The following FMN1 variants were observed in gnomAD, a reference collection of about 807,000 sequenced individuals.
FMN1 encodes the protein formin 1, also known as formin-1.
Under a neutral mutation model 132.4 loss-of-function variants are expected in FMN1, and 110 were observed. That is an observed-to-expected ratio of 0.83 (90% CI 0.71 to 0.97). FMN1 has a LOEUF of 0.97. Among genes scored for constraint, FMN1 ranks in the 50% least tolerant of loss-of-function variants. The probability of loss-of-function intolerance (pLI) is 0.00; values close to 1 mark genes in which losing one functional copy is unlikely to be tolerated. For synonymous variants in FMN1, 722 were observed against 651.7 expected (o/e 1.11, Z -1.64); for missense variants, 1,792 against 1,705.3 (o/e 1.05, Z -0.90).
At chr15:33,147,523 G>A (rs1964275157) in intron 4 of FMN1, among the ~76,000 whole-genome samples, 1 of 152,150 alleles carries the variant, frequency 6.6e-6, no homozygotes. Context: ...TTTATATCTT[G>A]TACTCTGAAT....
chr15:33,161,407 G>A (rs1964884436), intron 3 of FMN1, among the ~76,000 whole-genome samples: 1 of 152,110 alleles, frequency 6.6e-6, no homozygotes, highest in Admixed American at 6.6e-5. Context: ...TTGGTAGTAG[G>A]CGTGCCCTCT....
chr15:32,974,695 A>G (rs1009087211), intron 7 of FMN1, among the ~76,000 whole-genome samples: 5 of 152,208 alleles, frequency 3.3e-5, no homozygotes, highest in Non-Finnish European at 5.9e-5. Context: ...TGGGAGCCAG[A>G]GGTGAAATCA....
intron 5 of FMN1, chr15:33,066,775 C>T (rs1401759779): frequency 1.9e-6 from 3 of 1,613,994 alleles, no homozygotes; most frequent in Non-Finnish European, 2.5e-6. Context: ...TGCAGCCCAT[C>T]TCTTCTCTCC....
chr15:32,805,606 T>C (rs1273777867), intron 17 of FMN1, among the ~76,000 whole-genome samples: 1 of 152,228 alleles, frequency 6.6e-6, no homozygotes, highest in Non-Finnish European at 1.5e-5. Context: ...CCAAATAATT[T>C]ATTGTTTCCT....
chr15:32,782,942 C>T (rs1415480145), intron 19 of FMN1, among the ~76,000 whole-genome samples: 1 of 152,084 alleles, frequency 6.6e-6, no homozygotes, highest in East Asian at 1.9e-4. Context: ...TAAGTGGGAG[C>T]TAAACAGTGG....
chr15:33,124,832 C>T (rs1031289270), intron 4 of FMN1, among the ~76,000 whole-genome samples: 5 of 147,826 alleles, frequency 3.4e-5, no homozygotes, highest in Admixed American at 7.0e-5. Flanking sequence ...GAAAAAAATG[C>T]TTTTCATTTT....
At chr15:32,886,998 GA>G (rs200635058) in intron 16 of FMN1, among the ~76,000 whole-genome samples, 3 of 149,334 alleles carry the variant, frequency 2.0e-5, no homozygotes, top group Admixed American at 1.3e-4. Context: ...ATCAATGGGA[GA>G]AAAAAAACCC....
chr15:33,093,538 T>A (rs2038976094), intron 4 of FMN1, among the ~76,000 whole-genome samples: 1 of 152,168 alleles, frequency 6.6e-6, no homozygotes, highest in African/African-American at 2.4e-5. Context: ...CAATTAGAGA[T>A]CAATGCTCAC....
chr15:32,899,778 C>A (rs2060249844), intron 14 of FMN1: 2 of 577,258 alleles, frequency 3.5e-6, no homozygotes, highest in South Asian at 2.1e-5. Context: ...AAAATAAAGT[C>A]TAACGTGAAA....
intron 6 of FMN1, chr15:33,012,893 A>T: frequency 1.7e-6 from 1 of 572,336 alleles, no homozygotes; most frequent in Non-Finnish European, 3.4e-6. Flanking sequence ...GGTGGAAGCT[A>T]CAATGATTTT....
At chr15:33,128,090 G>A (rs1161254766) in intron 4 of FMN1, among the ~76,000 whole-genome samples, 1 of 152,154 alleles carries the variant, frequency 6.6e-6, no homozygotes, top group Non-Finnish European at 1.5e-5. Context: ...AGAAAACCAA[G>A]AATGAGGCCA....
chr15:32,865,668 C>G (rs1250754436), intron 16 of FMN1, among the ~76,000 whole-genome samples: 3 of 152,030 alleles, frequency 2.0e-5, no homozygotes, highest in African/African-American at 4.8e-5. Flanking sequence ...GAAACCCTGT[C>G]TCTACTAAAA....
At chr15:33,009,117 G>A (rs772220695) in intron 6 of FMN1, among the ~76,000 whole-genome samples, 3 of 152,168 alleles carry the variant, frequency 2.0e-5, no homozygotes, top group Non-Finnish European at 2.9e-5. Flanking sequence ...TGTGGGGAAG[G>A]TGCTCCACTG....
At chr15:32,964,011 T>C (rs201068197) in intron 9 of FMN1, 96 bp downstream of exon 9, 3 of 408,378 alleles carry the variant, frequency 7.3e-6, no homozygotes, top group Non-Finnish European at 1.2e-5. Flanking sequence ...TGTGTGTATA[T>C]ACGATACACA....
chr15:32,788,948 T>TA (rs2056972777), intron 19 of FMN1, among the ~76,000 whole-genome samples: 1 of 152,240 alleles, frequency 6.6e-6, no homozygotes, highest in South Asian at 2.1e-4. Context: ...ATTAAGATTT[T>TA]AGATTCTTGG....
chr15:32,950,979 CT>C (rs66657218), intron 9 of FMN1, among the ~76,000 whole-genome samples: 5,191 of 147,030 alleles, frequency 0.035, 94 homozygotes, highest in Middle Eastern at 0.042. Context: ...AGAACTTTTG[CT>C]TTTTTTTTTA....
chr15:33,190,462 C>T (rs1966035276), intron 2 of FMN1, among the ~76,000 whole-genome samples: 1 of 152,164 alleles, frequency 6.6e-6, no homozygotes, highest in South Asian at 2.1e-4. Context: ...AGACAGTTCT[C>T]TTTCTCTTTG....
rs200636803 is a variant in FMN1, at chr15:32,929,973, AT to A, written c.3139-3713del. Among the ~76,000 whole-genome samples the A allele has an allele frequency of 5.6e-3, 712 of 127,354 alleles. 9 individuals carry two copies. Among genetic ancestry groups the A allele is most frequent in the African/African-American group, 0.022 (692 of 32,086 alleles). The allele number at this position is 127,354 out of a possible 152,430, so 83.5% of individuals were successfully genotyped here. Reference sequence around the variant, plus strand: ...GATTAATGGATCATATGGTAGTTCTATTTTTAAATTTTTTTTTTTTTTTTTT... The same window carrying A: ...GATTAATGGATCATATGGTAGTTCTATTTTAAATTTTTTTTTTTTTTTTTT... On this transcript the variant is annotated intron_variant, in intron 9 of 20. Coordinates refer to ENST00000616417, the MANE Select transcript of FMN1 (RefSeq NM_001277313.2).
chr15:33,001,566 T>TC (rs398026773), intron 7 of FMN1, among the ~76,000 whole-genome samples: 16,404 of 96,452 alleles, frequency 0.17, 1,507 homozygotes, highest in Middle Eastern at 0.22. Context: ...TCCTCCCACT[T>TC]CCCCCCCCAC....
Sources: allele counts gnomAD v4.1 joint callset (sites outside exome capture counted in the v4.1 genomes callset), GRCh38; gene constraint gnomAD v4.1.1; transcripts MANE v1.5; gene names NCBI Gene and HGNC (gene_info 2026-07-23, HGNC 2026-07-21).